PCDHA8: variants seen among roughly 807,000 people sequenced by gnomAD.
PCDHA8 encodes the protein protocadherin alpha 8.
Under a neutral mutation model 61.8 loss-of-function variants are expected in PCDHA8, and 53 were observed. That is an observed-to-expected ratio of 0.86 (90% CI 0.69 to 1.08). The LOEUF is 1.08. Among genes scored for constraint, PCDHA8 ranks in the 50% least tolerant of loss-of-function variants. PCDHA8 has a pLI of 0.00. For synonymous variants in PCDHA8, 618 were observed against 556.6 expected (o/e 1.11, Z -1.55); for missense variants, 1,293 against 1,245.0 (o/e 1.04, Z -0.58).
At position 140,958,540 on chromosome 5, in the gene PCDHA8, A is replaced by G. The variant is rs920451567; in HGVS notation, c.2395-20409A>G. 4.6e-5 allele frequency among the ~76,000 whole-genome samples: 7 copies of G among 152,312 alleles called. 1 individual carries two copies. In the East Asian group the frequency reaches 1.3e-3, roughly 29 times the overall value. On this transcript the variant is annotated intron_variant, in intron 1 of 3. Coordinates refer to ENST00000531613, the MANE Select transcript of PCDHA8 (RefSeq NM_018911.3). ...ATATATACTATGTGTACATTGATTT[A>G]TGAACCAATAAATGTTTCATACACA... is the stretch of plus-strand genomic sequence containing the variant.
rs782133089 is a variant in PCDHA8, at chr5:140,924,894, C to CA, written c.2395-54044dup. Among the ~76,000 whole-genome samples, 369 of 71,492 alleles carry CA rather than the reference C, an allele frequency of 5.2e-3. 5 individuals carry two copies. The South Asian group carries it at 0.07, about 14-fold the overall frequency. 46.9% of individuals were successfully genotyped at this position (71,492 alleles called of 152,430 possible). ...TGGGTGACAGAGCAAGAACCTGTCT[C>CA]AAAAAAAAAAATAAAATAAAATAAA... is the stretch of plus-strand genomic sequence containing the variant. On this transcript the variant is annotated intron_variant, in intron 1 of 3. Coordinates refer to ENST00000531613, the MANE Select transcript of PCDHA8 (RefSeq NM_018911.3).
At chr5:140,968,578 C>T in intron 1 of PCDHA8, 3 of 1,614,206 alleles carry the variant, frequency 1.9e-6, no homozygotes, top group Non-Finnish European at 2.5e-6. Context: ...GCTACCTGGT[C>T]ACCAAAGTCA....
At chr5:140,944,053 A>G (rs246065) in intron 1 of PCDHA8, among the ~76,000 whole-genome samples, 85,768 of 152,016 alleles carry the variant, frequency 0.56, 24,809 homozygotes, top group African/African-American at 0.69. Context: ...TTGGGATACA[A>G]AAAGGTTTCT....
chr5:140,914,815 GACTGCATAAACAAAAAACAAACACACAA>G (rs2076856567), intron 1 of PCDHA8, among the ~76,000 whole-genome samples: 1 of 151,986 alleles, frequency 6.6e-6, no homozygotes, highest in Non-Finnish European at 1.5e-5. Context: ...CAACTTAACA[GACTGCATAAACAAAAAACAAACACACAA>G]AAGGAAGACT....
At chr5:140,984,083 A>C (rs2097086103) in intron 3 of PCDHA8, among the ~76,000 whole-genome samples, 1 of 152,226 alleles carries the variant, frequency 6.6e-6, no homozygotes, top group South Asian at 2.1e-4. Context: ...GATGGAGTGA[A>C]GAAATGATGG....
chr5:140,959,763 C>A (rs2095510059), intron 1 of PCDHA8, among the ~76,000 whole-genome samples: 2 of 152,170 alleles, frequency 1.3e-5, no homozygotes, highest in South Asian at 4.1e-4. Flanking sequence ...TTTTAATATT[C>A]AGTAAGAACA....
At chr5:140,870,822 A>G in intron 1 of PCDHA8, 3 of 1,613,698 alleles carry the variant, frequency 1.9e-6, no homozygotes, top group Non-Finnish European at 2.5e-6. Context: ...GCAGCGCGGG[A>G]GGCGCAGTTA....
chr5:140,875,407 A>G (rs2055457272), intron 1 of PCDHA8: 2 of 1,497,672 alleles, frequency 1.3e-6, no homozygotes, highest in Non-Finnish European at 1.8e-6. Flanking sequence ...GACTGCTCAT[A>G]AAATACCTCA....
chr5:140,892,901 C>G (rs994625869), intron 1 of PCDHA8, among the ~76,000 whole-genome samples: 1 of 152,196 alleles, frequency 6.6e-6, no homozygotes, highest in African/African-American at 2.4e-5. Flanking sequence ...CTTTCCCCAT[C>G]CTCCTTTTCC....
At chr5:140,855,753 G>C (rs1461376517) in intron 1 of PCDHA8, 1 of 333,040 alleles carries the variant, frequency 3.0e-6, no homozygotes, top group African/African-American at 2.1e-5. Flanking sequence ...GTGAGGCTTT[G>C]AAAGTCCATA....
intron 1 of PCDHA8, chr5:140,884,340 C>G (rs1480799859): frequency 1.2e-6 from 2 of 1,613,772 alleles, no homozygotes; most frequent in South Asian, 1.1e-5. Flanking sequence ...GGTCCAGAAG[C>G]GGCGCTGGTG....
chr5:140,857,392 C>T lies in PCDHA8; in HGVS notation c.2394+13677C>T, dbSNP rs142727326. ...TGTCTGTGGAGGTGGCCGACGTGAA[C>T]GACAACGCGCCTGCGTTCGCGCAGT... On this transcript the variant is annotated intron_variant, in intron 1 of 3. Coordinates refer to ENST00000531613, the MANE Select transcript of PCDHA8 (RefSeq NM_018911.3). 2.9e-5 allele frequency: 46 copies of T among 1,598,470 alleles called. 4 individuals are homozygous for T. Among genetic ancestry groups the T allele is most frequent in the Non-Finnish European group, 3.6e-5 (42 of 1,167,894 alleles).
In PCDHA8 at chr5:140,842,710, C is replaced by T. The variant is rs2150342683; in HGVS notation, c.1389C>T (p.Phe463=). Residue 463 remains phenylalanine (F), a synonymous_variant, in exon 1 of 4, where the codon TTC becomes TTT. Coordinates refer to ENST00000531613, the MANE Select transcript of PCDHA8 (RefSeq NM_018911.3). ...TCGCGCAGCCCGAGTACACGGTGTT[C>T]GTGAAGGAGAACAACCCGCCGGGCT... ...PAFAQPEYTV[F]VKENNPPGCH... The T allele has an allele frequency of 1.4e-5, 23 of 1,595,008 alleles. 3 individuals carry two copies. The Admixed American group carries it at 3.2e-4, about 22-fold the overall frequency.
chr5:140,993,462 TCACACACACACACACACACACACA>T (rs3836747), intron 3 of PCDHA8, among the ~76,000 whole-genome samples: 3 of 140,938 alleles, frequency 2.1e-5, no homozygotes, highest in African/African-American at 5.3e-5. Flanking sequence ...TCTTTCTTTC[TCACACACACACACACACACACACA>T]CACACACACA....
At chr5:140,941,313 C>T (rs1585057947) in intron 1 of PCDHA8, among the ~76,000 whole-genome samples, 2 of 104,888 alleles carry the variant, frequency 1.9e-5, no homozygotes, top group Non-Finnish European at 4.0e-5. Context: ...TCTTTTTCTT[C>T]TTTCTCTTTT....
At chr5:140,972,005 C>T (rs1236779874) in intron 1 of PCDHA8, among the ~76,000 whole-genome samples, 1 of 151,980 alleles carries the variant, frequency 6.6e-6, no homozygotes, top group Admixed American at 6.6e-5. Flanking sequence ...GTTTATATTC[C>T]CTTTTATATG....
Position 140,852,809 on chromosome 5 carries a change from C to T in PCDHA8, c.2394+9094C>T, listed in dbSNP as rs1429984533. 2.4e-5 allele frequency: 23 copies of T among 974,514 alleles called. 1 individual carries two copies. The highest frequency in any genetic ancestry group is 6.3e-5 in the Admixed American group (1 of 15,844). 60.4% of individuals were successfully genotyped at this position (974,514 alleles called of 1,614,324 possible). A position where few individuals can be genotyped will look rare whatever the true frequency, so the allele number is the denominator to read the frequency against. On this transcript the variant is annotated intron_variant, in intron 1 of 3. Transcript: ENST00000531613. Reference sequence around the variant, plus strand: ...GGATGCTACAGATGTCATTTGTCTCCCGCCCTAAGTCCTCCAGTCTCCTTA... The same window carrying T: ...GGATGCTACAGATGTCATTTGTCTCTCGCCCTAAGTCCTCCAGTCTCCTTA...
chr5:140,849,790 C>G lies in PCDHA8; in HGVS notation c.2394+6075C>G, dbSNP rs2150450402. 2.5e-6 allele frequency: 4 copies of G among 1,598,236 alleles called. 1 individual carries two copies. The highest frequency in any genetic ancestry group is 2.2e-5 in the East Asian group (1 of 44,828). ...GTGGTTACCGCGCGGGACGGGGGCT[C>G]GCCTTCACTGTGGGCCACGGCCAGG... On this transcript the variant is annotated intron_variant, in intron 1 of 3. Transcript: ENST00000531613.
intron 1 of PCDHA8, among the ~76,000 whole-genome samples, chr5:140,920,771 G>A (rs1256445366): frequency 6.6e-6 from 1 of 151,698 alleles, no homozygotes; most frequent in African/African-American, 2.4e-5. Context: ...TTACACCTGG[G>A]AGGTGGAGGT....
Sources: allele counts gnomAD v4.1 joint callset (sites outside exome capture counted in the v4.1 genomes callset), GRCh38; gene constraint gnomAD v4.1.1; transcripts MANE v1.5; gene names NCBI Gene and HGNC (gene_info 2026-07-23, HGNC 2026-07-21).